ACER1: variants seen among roughly 807,000 people sequenced by gnomAD.
ACER1 encodes the protein CTB-180A7.3.
ACER1 carries 28 observed loss-of-function variants against 24.9 expected under a neutral mutation model. The observed-to-expected ratio is 1.13, with a 90% confidence interval of 0.83 to 1.54. The LOEUF is 1.54. ACER1 is among the 40% of genes most tolerant of loss of function. ACER1 has a pLI of 0.00. For missense variants in ACER1, 352 were observed against 349.3 expected (o/e 1.01, Z -0.06); for synonymous variants, 132 against 131.4 (o/e 1.00, Z -0.03).
chr19:6,319,929 T>C (rs975496410), intron 1 of ACER1, among the ~76,000 whole-genome samples: 3 of 151,926 alleles, frequency 2.0e-5, no homozygotes, highest in African/African-American at 7.3e-5. Context: ...CTGGCCGACA[T>C]GGAGAAACCC....
At chr19:6,312,120 C>T (rs1346375219) in intron 3 of ACER1, 29 bp downstream of exon 3, 1 of 1,609,154 alleles carries the variant, frequency 6.2e-7, no homozygotes, top group East Asian at 2.2e-5. Flanking sequence ...CAGACCCCAC[C>T]CTGTCCAGAT....
At chr19:6,336,278 CCTTG>C (rs113450150), upstream of ACER1, among the ~76,000 whole-genome samples, 7,531 of 152,082 alleles carry the variant, frequency 0.05, 283 homozygotes, top group African/African-American at 0.11. Flanking sequence ...TTCAATGCAG[CCTTG>C]CTTGATCTCC....
chr19:6,323,013 G>A lies in ACER1; in HGVS notation c.93+10446C>T, dbSNP rs553680596. Among the ~76,000 whole-genome samples, 22 of 152,280 alleles carry A rather than the reference G, an allele frequency of 1.4e-4. No individual in the cohort carries two copies. In the South Asian group the frequency reaches 3.9e-3, roughly 27 times the overall value. On this transcript the variant is annotated intron_variant, in intron 1 of 5. Transcript: ENST00000301452. ...TGTAAGCCCAGCTACTCAGGAGGCTGAGGGAGGAGAATAGCTTGAACCAGG... is the reference window on the plus strand; with the variant it reads ...TGTAAGCCCAGCTACTCAGGAGGCTAAGGGAGGAGAATAGCTTGAACCAGG...
At chr19:6,340,458 A>G in the ACER1 span, among the ~76,000 whole-genome samples, 1 of 151,946 alleles carries the variant, frequency 6.6e-6, no homozygotes, top group African/African-American at 2.4e-5. Flanking sequence ...CTAGCCCCCA[A>G]ATCCGCTTCC....
intron 1 of ACER1, among the ~76,000 whole-genome samples, chr19:6,320,298 G>A (rs768414486): frequency 1.3e-5 from 2 of 151,914 alleles, no homozygotes; most frequent in Non-Finnish European, 2.9e-5. Context: ...GTGTGCACCG[G>A]CCACAGCACA....
rs562460354 is a variant in ACER1 at position 6,333,504 on chromosome 19, C to T, written c.48G>A (p.Glu16=). The T allele has an allele frequency of 4.4e-6, 7 of 1,594,466 alleles. No homozygotes were observed. The highest frequency in any genetic ancestry group is 3.4e-5 in the South Asian group (3 of 87,992). ...AYQSSEVDWC[E]SNFQYSELVA... Reference sequence around the variant, plus strand: ...CCAGCTCCGAGTACTGGAAGTTGCTCTCACACCAGTCCACCTCGGAGCTCT... The same window carrying T: ...CCAGCTCCGAGTACTGGAAGTTGCTTTCACACCAGTCCACCTCGGAGCTCT... Residue 16 remains glutamate, a synonymous_variant, in exon 1 of 6, where the codon GAG becomes GAA. Coordinates refer to ENST00000301452, the MANE Select transcript of ACER1 (RefSeq NM_133492.3).
chr19:6,310,345 C>A (rs1034035067), intron 3 of ACER1, among the ~76,000 whole-genome samples: 5 of 151,984 alleles, frequency 3.3e-5, no homozygotes, highest in Non-Finnish European at 7.4e-5. Context: ...CCTCGGCCTC[C>A]CAAAGTGCTA....
At chr19:6,342,258 C>CTT in the ACER1 span, among the ~76,000 whole-genome samples, 4 of 112,102 alleles carry the variant, frequency 3.6e-5, no homozygotes, top group East Asian at 2.8e-4. Context: ...TATCCTAGTT[C>CTT]TTTTTTTTTT....
chr19:6,358,870 T>G, the ACER1 span, among the ~76,000 whole-genome samples: 2 of 145,250 alleles, frequency 1.4e-5, no homozygotes, highest in African/African-American at 5.3e-5. Flanking sequence ...GAGGCGGAGG[T>G]TGTGGTGAGC....
Position 6,312,192 on chromosome 19 carries a change from A to G in ACER1, c.307T>C (p.Trp103Arg), listed in dbSNP as rs745623402. Residue 103 changes from tryptophan to arginine, a missense_variant, in exon 3 of 6, where the codon TGG becomes CGG. Transcript: ENST00000301452. ...LWLLGSGYSI[W>R]MPRCYFPSFL... Reference sequence around the variant, plus strand: ...GAGGGGAAATAGCAGCGGGGCATCCATATGCTATAGCCACTGCCCAGGAGC... The same window carrying G: ...GAGGGGAAATAGCAGCGGGGCATCCGTATGCTATAGCCACTGCCCAGGAGC... 3.7e-6 allele frequency: 6 copies of G among 1,614,162 alleles called. No individual in the cohort carries two copies. Among genetic ancestry groups the G allele is most frequent in the Non-Finnish European group, 5.1e-6 (6 of 1,180,004 alleles).
chr19:6,355,490 G>T, the ACER1 span, among the ~76,000 whole-genome samples: 3 of 150,720 alleles, frequency 2.0e-5, no homozygotes, highest in East Asian at 2.0e-4. Flanking sequence ...CATATGAGAA[G>T]TGAGGAGCCC....
chr19:6,357,711 C>T, the ACER1 span, among the ~76,000 whole-genome samples: 2 of 150,830 alleles, frequency 1.3e-5, no homozygotes, highest in East Asian at 1.9e-4. Flanking sequence ...TTCAGTGAGC[C>T]GAGATCGCTT....
intron 1 of ACER1, among the ~76,000 whole-genome samples, chr19:6,316,448 A>G (rs936579123): frequency 6.6e-6 from 1 of 152,144 alleles, no homozygotes; most frequent in African/African-American, 2.4e-5. Flanking sequence ...ACACACACAC[A>G]CAAAGAATGA....
chr19:6,341,430 T>C, the ACER1 span, among the ~76,000 whole-genome samples: 1 of 147,206 alleles, frequency 6.8e-6, no homozygotes, highest in African/African-American at 2.5e-5. Flanking sequence ...GAAGCTGAGA[T>C]GGGAAGATTG....
At chr19:6,314,557 C>A (rs2091594666) in intron 1 of ACER1, among the ~76,000 whole-genome samples, 1 of 151,944 alleles carries the variant, frequency 6.6e-6, no homozygotes, top group African/African-American at 2.4e-5. Context: ...ACTTTGACTC[C>A]CCACAAAGTG....
At chr19:6,324,856 A>AAAGGAAGGGAGG (rs1568312193) in intron 1 of ACER1, among the ~76,000 whole-genome samples, 12 of 102,346 alleles carry the variant, frequency 1.2e-4, no homozygotes, top group South Asian at 6.1e-4. Context: ...AAAGAGAGAG[A>AAAGGAAGGGAGG]GAGAAAGGAA....
chr19:6,317,597 A>G (rs1353007322), intron 1 of ACER1, among the ~76,000 whole-genome samples: 1 of 152,152 alleles, frequency 6.6e-6, no homozygotes, highest in Non-Finnish European at 1.5e-5. Context: ...TACTGACCCA[A>G]CCAGTCTCCC....
chr19:6,310,676 C>T (rs1055962922), intron 3 of ACER1, among the ~76,000 whole-genome samples: 7 of 151,406 alleles, frequency 4.6e-5, no homozygotes, highest in African/African-American at 1.2e-4. Flanking sequence ...CTCAGGAGTT[C>T]GAGACCAGCC....
chr19:6,309,760 T>C lies in ACER1; in HGVS notation c.425A>G (p.Asn142Ser). 1.2e-6 allele frequency: 2 copies of C among 1,614,044 alleles called. No individual in the cohort carries two copies. The highest frequency in any genetic ancestry group is 1.7e-6 in the Non-Finnish European group (2 of 1,179,978). ...GGCAATGCTGTTGAGGGCGTAGGCGTTGACCGTGGGCCGCAGGAAGGACAG... is the reference window on the plus strand; with the variant it reads ...GGCAATGCTGTTGAGGGCGTAGGCGCTGACCGTGGGCCGCAGGAAGGACAG... ...TLLSFLRPTV[N>S]AYALNSIALH... Residue 142 changes from asparagine (N) to serine (S), a missense_variant, in exon 4 of 6, where the codon AAC becomes AGC. Coordinates refer to ENST00000301452, the MANE Select transcript of ACER1 (RefSeq NM_133492.3).
Sources: gnomAD v4.1 joint callset for allele counts (sites outside exome capture counted in the v4.1 genomes callset) on GRCh38, gnomAD v4.1.1 for gene constraint, MANE v1.5 for transcripts, NCBI Gene and HGNC (gene_info 2026-07-23, HGNC 2026-07-21) for gene names.